TMTC1: variants seen among roughly 807,000 people sequenced by gnomAD.
TMTC1 encodes the protein transmembrane O-mannosyltransferase targeting cadherins 1.
TMTC1 carries 73 observed loss-of-function variants against 104.8 expected under a neutral mutation model. The observed-to-expected ratio is 0.70, with a 90% CI of 0.58 to 0.85. TMTC1 has a LOEUF of 0.85. Among genes scored for constraint, TMTC1 ranks in the 40% least tolerant of loss-of-function variants. TMTC1 has a pLI of 0.00. For synonymous variants in TMTC1, 434 were observed against 428.7 expected (o/e 1.01, Z -0.15); for missense variants, 1,035 against 1,096.1 (o/e 0.94, Z 0.79).
chr12:29,539,124 A>G (rs984724595), intron 10 of TMTC1, among the ~76,000 whole-genome samples: 1 of 152,222 alleles, frequency 6.6e-6, no homozygotes, highest in African/African-American at 2.4e-5. Flanking sequence ...GGAGCTTATG[A>G]AATAGGTGTG....
intron 7 of TMTC1, among the ~76,000 whole-genome samples, chr12:29,590,895 G>A (rs972192875): frequency 3.9e-5 from 6 of 152,182 alleles, no homozygotes; most frequent in African/African-American, 1.2e-4. Flanking sequence ...GCTGGGTTGG[G>A]ATCCTCAGCC....
chr12:29,546,160 T>G (rs2136228819), intron 10 of TMTC1, among the ~76,000 whole-genome samples: 1 of 152,304 alleles, frequency 6.6e-6, no homozygotes, highest in East Asian at 1.9e-4. Context: ...CCTCACGTGA[T>G]TCTCAGTCTG....
intron 7 of TMTC1, among the ~76,000 whole-genome samples, chr12:29,600,333 G>C (rs1205650424): frequency 6.6e-6 from 1 of 151,964 alleles, no homozygotes; most frequent in Non-Finnish European, 1.5e-5. Context: ...TCACTGGTAG[G>C]TAAAATCTTT....
intron 6 of TMTC1, among the ~76,000 whole-genome samples, chr12:29,609,391 T>G (rs977618934): frequency 5.9e-5 from 9 of 152,156 alleles, no homozygotes; most frequent in African/African-American, 2.2e-4. Context: ...TTTATATCTG[T>G]TTTTGGGTCT....
chr12:29,608,959 C>G (rs1946773329), intron 6 of TMTC1, among the ~76,000 whole-genome samples: 1 of 152,166 alleles, frequency 6.6e-6, no homozygotes, highest in South Asian at 2.1e-4. Context: ...CACACACACA[C>G]TTTGATACAC....
intron 2 of TMTC1, among the ~76,000 whole-genome samples, chr12:29,766,589 C>T (rs1292035533): frequency 6.6e-6 from 1 of 152,158 alleles, no homozygotes; most frequent in Non-Finnish European, 1.5e-5. Flanking sequence ...GAGGCTTGTA[C>T]ACCTGGGGCA....
chr12:29,758,802 T>A, intron 2 of TMTC1, 25 bp from the exon 3 acceptor site: 1 of 1,578,080 alleles, frequency 6.3e-7, no homozygotes, highest in African/African-American at 1.4e-5. Flanking sequence ...TAATAAAAAA[T>A]GAAACTTCAG....
intron 5 of TMTC1, among the ~76,000 whole-genome samples, chr12:29,719,507 T>C (rs189623759): frequency 2.2e-4 from 34 of 152,314 alleles, no homozygotes; most frequent in African/African-American, 7.7e-4. Context: ...AAGGGAACTC[T>C]TTCCCCTGCA....
intron 11 of TMTC1, among the ~76,000 whole-genome samples, chr12:29,530,479 A>G (rs781155223): frequency 1.3e-5 from 2 of 152,184 alleles, no homozygotes; most frequent in African/African-American, 2.4e-5. Flanking sequence ...GACTGTGCAT[A>G]GGGTGCCTCT....
intron 5 of TMTC1, among the ~76,000 whole-genome samples, chr12:29,644,650 C>A (rs983584992): frequency 1.3e-5 from 2 of 152,152 alleles, no homozygotes; most frequent in Admixed American, 1.3e-4. Context: ...TGCCTTCCTC[C>A]TGGCTGCCCT....
intron 10 of TMTC1, among the ~76,000 whole-genome samples, chr12:29,552,096 A>G (rs1406065859): frequency 6.6e-6 from 1 of 152,194 alleles, no homozygotes; most frequent in Admixed American, 6.5e-5. Flanking sequence ...CGTCTTATTT[A>G]GAGCTTCTGG....
At chr12:29,771,229 A>C (rs1210899081) in intron 1 of TMTC1, among the ~76,000 whole-genome samples, 1 of 152,220 alleles carries the variant, frequency 6.6e-6, no homozygotes, top group Non-Finnish European at 1.5e-5. Context: ...GACATTCACA[A>C]AGAGTTTAAA....
chr12:29,766,271 A>T (rs575672422), intron 2 of TMTC1, among the ~76,000 whole-genome samples: 1 of 152,318 alleles, frequency 6.6e-6, no homozygotes, highest in African/African-American at 2.4e-5. Flanking sequence ...TTGTTGGTGG[A>T]AAATGCCCAT....
chr12:29,640,371 A>G (rs937306115), intron 5 of TMTC1, among the ~76,000 whole-genome samples: 1 of 152,128 alleles, frequency 6.6e-6, no homozygotes, highest in African/African-American at 2.4e-5. Flanking sequence ...TTAGCTCCAG[A>G]TTGATTGCAA....
At chr12:29,652,448 A>G (rs913408488) in intron 5 of TMTC1, among the ~76,000 whole-genome samples, 2 of 152,248 alleles carry the variant, frequency 1.3e-5, no homozygotes, top group Non-Finnish European at 2.9e-5. Context: ...ATAAAAGCAC[A>G]TGCAGTTGAA....
chr12:29,562,495 T>C (rs1003686758), intron 9 of TMTC1, among the ~76,000 whole-genome samples: 4 of 152,216 alleles, frequency 2.6e-5, no homozygotes, highest in Non-Finnish European at 5.9e-5. Flanking sequence ...TTTACTGAAT[T>C]AAGTATTTCT....
At chr12:29,524,802 T>C (rs1394807489) in intron 11 of TMTC1, among the ~76,000 whole-genome samples, 1 of 152,206 alleles carries the variant, frequency 6.6e-6, no homozygotes, top group African/African-American at 2.4e-5. Context: ...TACCCAGGCA[T>C]AAGACTGTCA....
chr12:29,647,507 G>A (rs530978063), intron 5 of TMTC1, among the ~76,000 whole-genome samples: 2 of 152,084 alleles, frequency 1.3e-5, no homozygotes, highest in South Asian at 2.1e-4. Context: ...GGGCTATAAC[G>A]GATGCAACAT....
intron 1 of TMTC1, among the ~76,000 whole-genome samples, chr12:29,771,256 C>G (rs1943588301): frequency 6.6e-6 from 1 of 152,056 alleles, no homozygotes; most frequent in South Asian, 2.1e-4. Flanking sequence ...AAATTGTTAG[C>G]TAATTCTAAC....
Sources: gnomAD v4.1 joint callset for allele counts (sites outside exome capture counted in the v4.1 genomes callset) on GRCh38, gnomAD v4.1.1 for gene constraint, MANE v1.5 for transcripts, NCBI Gene and HGNC (gene_info 2026-07-23, HGNC 2026-07-21) for gene names.